Variants in FAM110B observed in about 807,000 individuals in gnomAD.
The protein encoded by FAM110B is family with sequence similarity 110 member B.
In FAM110B, 6 loss-of-function variants were observed where a neutral mutation model predicts 20.4. The observed-to-expected ratio is 0.29, with a 90% CI of 0.16 to 0.58. FAM110B has a LOEUF of 0.58. Among genes scored for constraint, FAM110B ranks in the 20% least tolerant of loss-of-function variants. The pLI is 0.90. For synonymous variants in FAM110B, 226 were observed against 214.1 expected (o/e 1.06, Z -0.49); for missense variants, 434 against 498.2 (o/e 0.87, Z 1.23).
intron 1 of FAM110B, among the ~76,000 whole-genome samples, chr8:58,013,104 T>G (rs528140377): frequency 6.6e-6 from 1 of 152,312 alleles, no homozygotes; most frequent in South Asian, 2.1e-4. Flanking sequence ...GGGTTTTCTC[T>G]AGGATCTCCT....
At chr8:58,066,053 C>T (rs549268465) in intron 2 of FAM110B, among the ~76,000 whole-genome samples, 21 of 152,160 alleles carry the variant, frequency 1.4e-4, no homozygotes, top group Non-Finnish European at 2.9e-5. Context: ...CTGGCCCCAG[C>T]ATGAGAGTCC....
chr8:58,009,734 T>C (rs1033764233), intron 1 of FAM110B, among the ~76,000 whole-genome samples: 4 of 152,210 alleles, frequency 2.6e-5, no homozygotes, highest in Non-Finnish European at 5.9e-5. Context: ...TTTTGCTCCA[T>C]CTCCTTGGCA....
chr8:58,007,302 C>T (rs971539191), intron 1 of FAM110B, among the ~76,000 whole-genome samples: 7 of 152,108 alleles, frequency 4.6e-5, no homozygotes, highest in African/African-American at 1.7e-4. Flanking sequence ...CTTTAGAGTC[C>T]ATTGCTATTG....
chr8:58,090,171 G>C (rs1450091493), intron 3 of FAM110B, among the ~76,000 whole-genome samples: 3 of 152,124 alleles, frequency 2.0e-5, no homozygotes, highest in African/African-American at 7.2e-5. Flanking sequence ...TGGGGGGCAG[G>C]GGGGCGGAGA....
At chr8:58,037,217 C>A (rs1311178237) in intron 2 of FAM110B, among the ~76,000 whole-genome samples, 1 of 151,884 alleles carries the variant, frequency 6.6e-6, no homozygotes, top group African/African-American at 2.4e-5. Context: ...ATAGGATTAT[C>A]TTTTTAAAAA....
At chr8:57,996,188 C>T (rs6994303) in intron 1 of FAM110B, among the ~76,000 whole-genome samples, 44,143 of 152,058 alleles carry the variant, frequency 0.29, 6,859 homozygotes, top group East Asian at 0.5. Flanking sequence ...GTTTACCCTA[C>T]GGTATTTAAT....
chr8:58,140,790 G>A (rs1469489990), intron 3 of FAM110B, among the ~76,000 whole-genome samples: 4 of 152,126 alleles, frequency 2.6e-5, no homozygotes, highest in East Asian at 3.8e-4. Flanking sequence ...GGATGCCCTC[G>A]CCTCCTGGGT....
intron 2 of FAM110B, among the ~76,000 whole-genome samples, chr8:58,047,842 A>T (rs1805360612): frequency 6.6e-6 from 1 of 152,048 alleles, no homozygotes; most frequent in South Asian, 2.1e-4. Context: ...TAGCTTCTTT[A>T]TGTAGGAGTT....
intron 1 of FAM110B, among the ~76,000 whole-genome samples, chr8:58,027,678 A>G (rs1804879925): frequency 6.6e-6 from 1 of 152,154 alleles, no homozygotes; most frequent in Admixed American, 6.5e-5. Context: ...CTAAAATTTC[A>G]TATAAATGCG....
At chr8:58,050,156 A>C (rs895332825) in intron 2 of FAM110B, among the ~76,000 whole-genome samples, 1 of 151,796 alleles carries the variant, frequency 6.6e-6, no homozygotes, top group Admixed American at 6.6e-5. Flanking sequence ...TTGTTCCCAG[A>C]TGTCATGGTC....
At chr8:58,026,903 G>A (rs1251348957) in intron 1 of FAM110B, among the ~76,000 whole-genome samples, 4 of 152,174 alleles carry the variant, frequency 2.6e-5, no homozygotes, top group Non-Finnish European at 5.9e-5. Flanking sequence ...GTATGGTGAT[G>A]AGGAGAGTTT....
chr8:58,088,987 A>G (rs1806405411), intron 3 of FAM110B, among the ~76,000 whole-genome samples: 1 of 152,208 alleles, frequency 6.6e-6, no homozygotes, highest in African/African-American at 2.4e-5. Flanking sequence ...AGCAGTGGTA[A>G]AAACTCTGCA....
intron 2 of FAM110B, among the ~76,000 whole-genome samples, chr8:58,047,467 A>G (rs1805341876): frequency 1.3e-5 from 2 of 152,104 alleles, no homozygotes; most frequent in African/African-American, 4.8e-5. Context: ...TCCAGAGTAG[A>G]AGGCACCATC....
intron 3 of FAM110B, chr8:58,113,452 G>C (rs1563374595): frequency 5.2e-6 from 1 of 192,480 alleles, no homozygotes; most frequent in Non-Finnish European, 1.1e-5. Context: ...TCCTCACACA[G>C]CCTGAACTTC....
At chr8:58,120,678 A>G (rs1250435848) in intron 3 of FAM110B, among the ~76,000 whole-genome samples, 1 of 152,202 alleles carries the variant, frequency 6.6e-6, no homozygotes, top group East Asian at 1.9e-4. Flanking sequence ...GTCAGCCCAT[A>G]TTGTTGAGGT....
chr8:58,021,407 C>T (rs1804750889), intron 1 of FAM110B, among the ~76,000 whole-genome samples: 1 of 152,148 alleles, frequency 6.6e-6, no homozygotes, highest in Admixed American at 6.5e-5. Context: ...TGCCCTGAGA[C>T]ACTCTTTTTC....
intron 1 of FAM110B, among the ~76,000 whole-genome samples, chr8:58,001,731 G>A (rs1302444362): frequency 2.6e-5 from 4 of 152,044 alleles, no homozygotes; most frequent in Middle Eastern, 3.2e-3. Context: ...ACCTTTATAC[G>A]TTTTGTGCCA....
intron 1 of FAM110B, among the ~76,000 whole-genome samples, chr8:58,030,408 A>T (rs1392797315): frequency 6.6e-6 from 1 of 152,188 alleles, no homozygotes; most frequent in African/African-American, 2.4e-5. Context: ...TGTTATTTAA[A>T]TGGGCATTTT....
chr8:58,000,204 C>A (rs1260188685), intron 1 of FAM110B, among the ~76,000 whole-genome samples: 1 of 152,202 alleles, frequency 6.6e-6, no homozygotes, highest in Non-Finnish European at 1.5e-5. Flanking sequence ...GCCAAGGAAC[C>A]AGGTCAGCAG....
Sources: allele counts gnomAD v4.1 joint callset (sites outside exome capture counted in the v4.1 genomes callset), GRCh38; gene constraint gnomAD v4.1.1; transcripts MANE v1.5; gene names NCBI Gene and HGNC (gene_info 2026-07-23, HGNC 2026-07-21).